SYNE2: variants seen among roughly 807,000 people sequenced by gnomAD.
SYNE2 encodes nesprin-2.
Under a neutral mutation model 856.3 loss-of-function variants are expected in SYNE2, and 431 were observed. That is an observed-to-expected ratio of 0.50 (90% CI 0.47 to 0.55). The LOEUF is 0.55. Ranked by LOEUF, SYNE2 falls within the 20% of genes least tolerant of loss-of-function variation. SYNE2 has a pLI of 0.00. For synonymous variants in SYNE2, 2,923 were observed against 2,872.3 expected (o/e 1.02, Z -0.56); for missense variants, 8,129 against 8,023.2 (o/e 1.01, Z -0.50).
intron 1 of SYNE2, chr14:63,864,609 G>C (rs1894712865): frequency 6.6e-6 from 1 of 152,182 alleles, no homozygotes; most frequent in African/African-American, 2.4e-5. Context: ...GTTATATATG[G>C]CTGCTAAATC....
intron 59 of SYNE2, among the ~76,000 whole-genome samples, chr14:64,090,264 G>A (rs2097598738): frequency 6.6e-6 from 1 of 152,154 alleles, no homozygotes; most frequent in Non-Finnish European, 1.5e-5. Context: ...TTCCTCACCT[G>A]TGAAATGGAG....
intron 1 of SYNE2, among the ~76,000 whole-genome samples, chr14:63,869,659 A>AAAC (rs1197863472): frequency 1.3e-5 from 2 of 150,058 alleles, no homozygotes; most frequent in Non-Finnish European, 3.0e-5. Context: ...AAAAAAAAAA[A>AAAC]CTGCTCCCAA....
intron 51 of SYNE2, among the ~76,000 whole-genome samples, chr14:64,067,025 G>T (rs1171403868): frequency 6.6e-6 from 1 of 152,126 alleles, no homozygotes; most frequent in African/African-American, 2.4e-5. Context: ...TTCAAATTCA[G>T]GTCTGGGCTA....
chr14:63,855,902 A>T (rs1161767239), intron 1 of SYNE2, among the ~76,000 whole-genome samples: 3 of 152,198 alleles, frequency 2.0e-5, no homozygotes, highest in Non-Finnish European at 4.4e-5. Flanking sequence ...GAGTGCTGGG[A>T]CATGGAATAA....
intron 1 of SYNE2, among the ~76,000 whole-genome samples, chr14:63,900,012 A>G (rs1329080642): frequency 6.6e-6 from 1 of 152,212 alleles, no homozygotes; most frequent in African/African-American, 2.4e-5. Flanking sequence ...ACCACCTTAA[A>G]CAAGAAGTAT....
At chr14:64,197,515 T>G (rs552005629) in intron 99 of SYNE2, among the ~76,000 whole-genome samples, 2 of 152,322 alleles carry the variant, frequency 1.3e-5, no homozygotes, top group African/African-American at 4.8e-5. Flanking sequence ...TGTACAGTGT[T>G]TTTTGCAACT....
chr14:64,160,760 A>G (rs1451480874), intron 87 of SYNE2, among the ~76,000 whole-genome samples: 1 of 152,204 alleles, frequency 6.6e-6, no homozygotes, highest in Non-Finnish European at 1.5e-5. Context: ...CCTTACAAAT[A>G]TTTACATCTT....
At chr14:63,858,039 T>C (rs1238126413) in intron 1 of SYNE2, among the ~76,000 whole-genome samples, 1 of 152,108 alleles carries the variant, frequency 6.6e-6, no homozygotes. Context: ...GCATTTTTGC[T>C]GTATCATTAC....
chr14:63,954,446 G>T (rs1308276828), intron 7 of SYNE2, among the ~76,000 whole-genome samples: 2 of 152,134 alleles, frequency 1.3e-5, no homozygotes, highest in Non-Finnish European at 2.9e-5. Context: ...ATGGGATTCG[G>T]CCTGAGAATT....
intron 19 of SYNE2, among the ~76,000 whole-genome samples, chr14:63,987,745 G>A (rs2096636983): frequency 6.6e-6 from 1 of 151,326 alleles, no homozygotes; most frequent in Non-Finnish European, 1.5e-5. Context: ...AAAAAATGAG[G>A]TAGAAATTAA....
rs184724910 is a variant in SYNE2 at position 64,104,879 on chromosome 14, A to G, written c.12493-2612A>G. ...ATCTATAAATCTATTCCACATTTCT[A>G]TCCTCGTGATAGACTTTTTTGGGAT... On this transcript the variant is annotated intron_variant, in intron 64 of 115. Transcript: ENST00000555002. Among the ~76,000 whole-genome samples the G allele has an allele frequency of 4.6e-5, 7 of 152,220 alleles. No homozygotes were observed. In the East Asian group the frequency reaches 9.6e-4, roughly 21 times the overall value.
chr14:63,817,280 G>C (rs1274622657), intron 1 of SYNE2, among the ~76,000 whole-genome samples: 1 of 151,928 alleles, frequency 6.6e-6, no homozygotes, highest in African/African-American at 2.4e-5. Flanking sequence ...GGGCAACATG[G>C]AAAAATCCTG....
At chr14:64,210,200 G>T in intron 103 of SYNE2, 76 bp downstream of exon 103, 1 of 1,527,844 alleles carries the variant, frequency 6.5e-7, no homozygotes. Context: ...GCAGGCTTGT[G>T]GCACAAAGCA....
intron 1 of SYNE2, among the ~76,000 whole-genome samples, chr14:63,836,755 C>T (rs551755696): frequency 6.8e-4 from 103 of 152,254 alleles, no homozygotes; most frequent in Admixed American, 2.4e-3. Context: ...CTTTCTCCCC[C>T]GACAGTCTGT....
intron 59 of SYNE2, among the ~76,000 whole-genome samples, chr14:64,090,293 C>G (rs974963839): frequency 6.6e-6 from 1 of 152,020 alleles, no homozygotes; most frequent in Non-Finnish European, 1.5e-5. Flanking sequence ...ACTTACCTCT[C>G]GAGGGGTTGT....
chr14:63,827,625 C>CAAAAAAAAAAAAAAACAAAAAAAAAAA (rs1889486919), intron 1 of SYNE2, among the ~76,000 whole-genome samples: 14 of 28,396 alleles, frequency 4.9e-4, no homozygotes, highest in Non-Finnish European at 6.9e-4. Context: ...AACTCTGTCT[C>CAAAAAAAAAAAAAAACAAAAAAAAAAA]AAAAAAAAAA....
chr14:64,080,728 CTGT>C, intron 56 of SYNE2, 90 bp downstream of exon 56: 3 of 1,516,922 alleles, frequency 2.0e-6, no homozygotes, highest in Non-Finnish European at 2.7e-6. Context: ...CAGTCAGTTT[CTGT>C]TGAATTATCA....
intron 45 of SYNE2, among the ~76,000 whole-genome samples, chr14:64,039,495 T>C (rs1207105523): frequency 6.6e-6 from 1 of 152,194 alleles, no homozygotes; most frequent in Non-Finnish European, 1.5e-5. Flanking sequence ...TTCATGATAT[T>C]CTTCTCACCT....
intron 8 of SYNE2, 83 bp from the exon 9 acceptor site, chr14:63,961,442 C>A: frequency 8.6e-7 from 1 of 1,157,842 alleles, no homozygotes; most frequent in Non-Finnish European, 1.3e-6. Context: ...AACCAAATGG[C>A]AGAGGCTATG....
Sources: allele counts gnomAD v4.1 joint callset (sites outside exome capture counted in the v4.1 genomes callset), GRCh38; gene constraint gnomAD v4.1.1; transcripts MANE v1.5; gene names NCBI Gene and HGNC (gene_info 2026-07-23, HGNC 2026-07-21).